KLHL6: variants seen among roughly 807,000 people sequenced by gnomAD.
KLHL6 encodes the protein kelch like family member 6.
In KLHL6, 41 loss-of-function variants were observed where a neutral mutation model predicts 58.6. The ratio of observed to expected loss-of-function variants is 0.70; its 90% CI spans 0.55 to 0.91. The LOEUF is 0.91. Ranked by LOEUF, KLHL6 falls within the 40% of genes least tolerant of loss-of-function variation. The pLI, the probability that KLHL6 is intolerant of heterozygous loss-of-function variation, is 0.00. For synonymous variants in KLHL6, 338 were observed against 322.7 expected (o/e 1.05, Z -0.51); for missense variants, 714 against 805.6 (o/e 0.89, Z 1.38).
chr3:183,550,738 C>T (rs990266140), intron 1 of KLHL6, among the ~76,000 whole-genome samples: 4 of 152,050 alleles, frequency 2.6e-5, no homozygotes, highest in Non-Finnish European at 5.9e-5. Context: ...CTGCAGTGAG[C>T]CATGATCAAG....
At chr3:183,546,580 G>A (rs1440878375) in intron 1 of KLHL6, among the ~76,000 whole-genome samples, 3 of 152,130 alleles carry the variant, frequency 2.0e-5, no homozygotes, top group Admixed American at 2.0e-4. Flanking sequence ...TGTCTTCTGG[G>A]TTTGGTTCTC....
Position 183,519,304 on chromosome 3 carries a change from T to C in KLHL6, c.459+8541A>G, listed in dbSNP as rs117952584. Among the ~76,000 whole-genome samples the C allele has an allele frequency of 2.0e-4, 30 of 152,216 alleles. No homozygotes were observed. The East Asian group carries it at 5.8e-3, about 29-fold the overall frequency. On this transcript the variant is annotated intron_variant, in intron 2 of 6. Coordinates refer to ENST00000341319, the MANE Select transcript of KLHL6 (RefSeq NM_130446.4). Reference sequence around the variant, plus strand: ...GCAAGGACCAATGACCAGAATCAGGTAGGACTGGGGACTTGTTGATGTCAG... The same window carrying C: ...GCAAGGACCAATGACCAGAATCAGGCAGGACTGGGGACTTGTTGATGTCAG...
chr3:183,550,936 T>C (rs145099999), intron 1 of KLHL6, among the ~76,000 whole-genome samples: 2,892 of 151,916 alleles, frequency 0.019, 95 homozygotes, highest in African/African-American at 0.068. Flanking sequence ...CTGGCTAACA[T>C]GGTGAAATCC....
Position 183,492,480 on chromosome 3 carries a change from A to G in KLHL6, c.1564+14T>C. On this transcript the variant is annotated intron_variant, in intron 6 of 6. Coordinates refer to ENST00000341319, the MANE Select transcript of KLHL6 (RefSeq NM_130446.4). The surrounding 1 kb of genome is among the most constrained non-coding windows in gnomAD (Gnocchi z 5.9). ...GTTCTAAGCCATTCAGACCAATAAG[A>G]AGCCATTACTCACCAACGACATAGA... The G allele has an allele frequency of 6.2e-7, 1 of 1,613,612 alleles. No individual in the cohort carries two copies. The highest frequency in any genetic ancestry group is 1.1e-5 in the South Asian group (1 of 91,056).
chr3:183,509,052 C>G (rs1408859810), intron 2 of KLHL6, among the ~76,000 whole-genome samples: 1 of 152,134 alleles, frequency 6.6e-6, no homozygotes, highest in Non-Finnish European at 1.5e-5. Context: ...GTGGAAAACT[C>G]TACTGAACAA....
chr3:183,550,391 A>C (rs1286325301), intron 1 of KLHL6, among the ~76,000 whole-genome samples: 1 of 152,214 alleles, frequency 6.6e-6, no homozygotes, highest in Non-Finnish European at 1.5e-5. Flanking sequence ...GGTTCATCAA[A>C]TGCATAGCAT....
chr3:183,529,776 C>A (rs937566401), intron 1 of KLHL6, among the ~76,000 whole-genome samples: 1 of 151,746 alleles, frequency 6.6e-6, no homozygotes, highest in Non-Finnish European at 1.5e-5. Flanking sequence ...CAGGGCAAGA[C>A]CCCATCTCAA....
intron 1 of KLHL6, among the ~76,000 whole-genome samples, chr3:183,549,547 T>C (rs954387900): frequency 2.1e-4 from 32 of 152,184 alleles, no homozygotes; most frequent in Non-Finnish European, 2.2e-4. Flanking sequence ...CTTGCTCTGT[T>C]GCCCCGGCTG....
chr3:183,508,552 G>T, intron 2 of KLHL6, 44 bp from the exon 3 acceptor site: 1 of 1,559,412 alleles, frequency 6.4e-7, no homozygotes, highest in Non-Finnish European at 8.7e-7. Flanking sequence ...AAAATGGTGA[G>T]TCCACAAGGA....
intron 2 of KLHL6, among the ~76,000 whole-genome samples, chr3:183,521,941 C>T (rs951079240): frequency 4.6e-5 from 7 of 150,790 alleles, no homozygotes; most frequent in African/African-American, 1.5e-4. Context: ...GTGATCCGCC[C>T]GCCTCCACCT....
Position 183,492,173 on chromosome 3 carries a change from C to T in KLHL6, c.1620G>A (p.Leu540=), listed in dbSNP as rs376772219. ...AYSPLEDSWC[L]VTQLSHERAS... ...CCCGCTCGTGGCTGAGCTGGGTCACCAGGCACCAGCTGTCTTCCAGCGGGC... is the reference window on the plus strand; with the variant it reads ...CCCGCTCGTGGCTGAGCTGGGTCACTAGGCACCAGCTGTCTTCCAGCGGGC... The change falls in exon 7 of 7, where the codon CTG becomes CTA. Residue 540 remains leucine (L), a synonymous_variant. Transcript: ENST00000341319. This position sits in a 1 kb window ranked among gnomAD's most constrained non-coding sequence, Gnocchi z 5.9. 79 of 1,612,878 alleles carry T rather than the reference C, an allele frequency of 4.9e-5. No homozygotes were observed. Among genetic ancestry groups the T allele is most frequent in the Non-Finnish European group, 7.6e-6 (9 of 1,179,732 alleles).
chr3:183,550,644 A>G (rs998260023), intron 1 of KLHL6, among the ~76,000 whole-genome samples: 4 of 151,772 alleles, frequency 2.6e-5, no homozygotes, highest in African/African-American at 9.7e-5. Flanking sequence ...AAAAAATACA[A>G]AAATTAGCCG....
At chr3:183,518,800 G>T (rs1424176526) in intron 2 of KLHL6, among the ~76,000 whole-genome samples, 1 of 152,164 alleles carries the variant, frequency 6.6e-6, no homozygotes, top group Non-Finnish European at 1.5e-5. Context: ...ACCAAAACAG[G>T]AGACGTGAGA....
At chr3:183,528,925 A>G (rs1712067723) in intron 1 of KLHL6, among the ~76,000 whole-genome samples, 1 of 152,206 alleles carries the variant, frequency 6.6e-6, no homozygotes, top group South Asian at 2.1e-4. Context: ...AGACTGGATA[A>G]AGAAAATGTG....
chr3:183,519,255 G>A (rs932707995), intron 2 of KLHL6, among the ~76,000 whole-genome samples: 6 of 152,168 alleles, frequency 3.9e-5, no homozygotes, highest in Non-Finnish European at 7.3e-5. Flanking sequence ...TTGCAAACAG[G>A]ACAGAGAGAA....
At chr3:183,511,822 C>T (rs1718194786) in intron 2 of KLHL6, among the ~76,000 whole-genome samples, 1 of 152,186 alleles carries the variant, frequency 6.6e-6, no homozygotes, top group South Asian at 2.1e-4. Context: ...AGATTAACAG[C>T]ATCTCAGGGC....
intron 1 of KLHL6, among the ~76,000 whole-genome samples, chr3:183,544,163 CAA>C (rs56357226): frequency 0.081 from 4,611 of 56,724 alleles, 139 homozygotes; most frequent in African/African-American, 0.18. Context: ...AACTCAGTCT[CAA>C]AAAAAAAAAA....
intron 1 of KLHL6, among the ~76,000 whole-genome samples, chr3:183,553,635 C>T (rs1426381101): frequency 6.6e-6 from 1 of 152,202 alleles, no homozygotes; most frequent in Non-Finnish European, 1.5e-5. Context: ...TGTGTTTACA[C>T]TTTATATTTT....
At chr3:183,534,524 C>T (rs1712294849) in intron 1 of KLHL6, among the ~76,000 whole-genome samples, 1 of 152,044 alleles carries the variant, frequency 6.6e-6, no homozygotes, top group Non-Finnish European at 1.5e-5. Context: ...CTGTCTCAGC[C>T]TCCCAAGTGG....
Sources: allele counts gnomAD v4.1 joint callset (sites outside exome capture counted in the v4.1 genomes callset), GRCh38; gene constraint gnomAD v4.1.1; non-coding constraint Gnocchi (gnomAD v3.1); transcripts MANE v1.5; gene names NCBI Gene and HGNC (gene_info 2026-07-23, HGNC 2026-07-21).